TGFBR2: variants seen among roughly 807,000 people sequenced by gnomAD.
The protein encoded by TGFBR2 is transforming growth factor beta receptor 2, also known as TGF-beta receptor type-2.
A neutral mutation model predicts 49.0 loss-of-function variants in TGFBR2; 18 were observed. That is an observed-to-expected ratio of 0.37 (90% CI 0.25 to 0.54). The LOEUF (loss-of-function observed/expected upper bound fraction) is 0.54. Ranked by LOEUF, TGFBR2 falls within the 20% of genes least tolerant of loss-of-function variation. The pLI, the probability that TGFBR2 is intolerant of heterozygous loss-of-function variation, is 0.85. For synonymous variants in TGFBR2, 282 were observed against 275.9 expected, an observed-to-expected ratio of 1.02 and a Z score of -0.22; for missense variants, 525 against 722.6, an observed-to-expected ratio of 0.73 and a Z score of 3.13.
At chr3:30,621,568 A>C (rs1021365535) in intron 1 of TGFBR2, among the ~76,000 whole-genome samples, 6 of 152,230 alleles carry the variant, frequency 3.9e-5, no homozygotes, top group Admixed American at 1.3e-4. Context: ...GGCATGGGCC[A>C]CTGCACCTGA....
At chr3:30,627,848 T>TG (rs1698361664) in intron 1 of TGFBR2, among the ~76,000 whole-genome samples, 2 of 152,094 alleles carry the variant, frequency 1.3e-5, no homozygotes, top group South Asian at 4.1e-4. Context: ...AGGTGGCTCT[T>TG]GGGTATCATA....
At chr3:30,608,996 A>G (rs1697986112) in intron 1 of TGFBR2, among the ~76,000 whole-genome samples, 1 of 152,236 alleles carries the variant, frequency 6.6e-6, no homozygotes, top group Non-Finnish European at 1.5e-5. Context: ...GATAAGGTTT[A>G]TGATTTGCAA....
intron 4 of TGFBR2, among the ~76,000 whole-genome samples, chr3:30,673,734 T>A (rs182849506): frequency 2.0e-4 from 30 of 152,244 alleles, no homozygotes; most frequent in African/African-American, 7.0e-4. Flanking sequence ...TAAAAAAAAA[T>A]TCAATTTTGG....
intron 1 of TGFBR2, among the ~76,000 whole-genome samples, chr3:30,615,276 C>T (rs1024035404): frequency 6.9e-6 from 1 of 145,644 alleles, no homozygotes; most frequent in African/African-American, 2.8e-5. Context: ...CTACCTATAC[C>T]CTGGTATAGG....
Position 30,647,380 on chromosome 3 carries a change from C to T in TGFBR2, c.263+2465C>T, listed in dbSNP as rs1322426458. Among the ~76,000 whole-genome samples, 4 of 152,242 alleles carry T rather than the reference C, an allele frequency of 2.6e-5. No homozygotes were observed. The East Asian group carries it at 5.8e-4, about 22-fold the overall frequency. On this transcript the variant is annotated intron_variant, in intron 2 of 6. Coordinates refer to ENST00000295754, the MANE Select transcript of TGFBR2 (RefSeq NM_003242.6). ...TCTGTGCAATACTGTTGCCTTTAGT[C>T]GCTTACAGATGCATCTCCAAAAACC...
intron 1 of TGFBR2, chr3:30,623,408 T>G (rs1698272605): frequency 8.5e-7 from 1 of 1,178,638 alleles, no homozygotes; most frequent in Non-Finnish European, 1.2e-6. Flanking sequence ...GCTAAATTGT[T>G]AAAGAGGCGA....
chr3:30,617,283 C>T lies in TGFBR2; in HGVS notation c.94+10306C>T, dbSNP rs144594405. The stretch of plus-strand genomic sequence containing the variant: ...TGTAGAGTTTGCAGACACTTGTTAG[C>T]GTAGACTAGGAATCTTTCAACTTTT... On this transcript the variant is annotated intron_variant, in intron 1 of 6. Transcript: ENST00000295754. Among the ~76,000 whole-genome samples the T allele has an allele frequency of 2.6e-5, 4 of 152,236 alleles. No individual in the cohort carries two copies. The South Asian group carries it at 6.2e-4, about 24-fold the overall frequency.
At chr3:30,634,989 T>C (rs1006026253) in intron 1 of TGFBR2, among the ~76,000 whole-genome samples, 1 of 152,210 alleles carries the variant, frequency 6.6e-6, no homozygotes, top group Non-Finnish European at 1.5e-5. Context: ...ACTCATCTCA[T>C]AGTCCCTGCA....
chr3:30,621,016 CT>C (rs1160328120), intron 1 of TGFBR2, among the ~76,000 whole-genome samples: 2 of 152,172 alleles, frequency 1.3e-5, no homozygotes, highest in Non-Finnish European at 2.9e-5. Context: ...TGAATTTGGC[CT>C]TCAGCCTTCT....
At chr3:30,639,749 C>T (rs1415615593) in intron 1 of TGFBR2, among the ~76,000 whole-genome samples, 4 of 152,040 alleles carry the variant, frequency 2.6e-5, no homozygotes, top group Non-Finnish European at 4.4e-5. Context: ...TTCTGAGTTT[C>T]CCCCCACAAA....
At chr3:30,660,197 A>T (rs1158249896) in intron 3 of TGFBR2, among the ~76,000 whole-genome samples, 1 of 152,212 alleles carries the variant, frequency 6.6e-6, no homozygotes, top group Non-Finnish European at 1.5e-5. Flanking sequence ...GTTGGTTCCA[A>T]TGTCAAGAAC....
At chr3:30,650,206 T>G in intron 2 of TGFBR2, 64 bp from the exon 3 acceptor site, 1 of 1,514,732 alleles carries the variant, frequency 6.6e-7, no homozygotes, top group South Asian at 1.1e-5. Flanking sequence ...GAGGCCATAT[T>G]ATTCATTTAT....
chr3:30,656,619 G>A (rs548269704), intron 3 of TGFBR2, among the ~76,000 whole-genome samples: 30 of 152,180 alleles, frequency 2.0e-4, no homozygotes, highest in Non-Finnish European at 4.3e-4. Flanking sequence ...AAACAAGATG[G>A]TAAGCCAAGG....
rs540602629 is a variant in TGFBR2 at position 30,691,685 on chromosome 3, A to G, written c.*86A>G. On this transcript the variant is annotated 3_prime_UTR_variant, in exon 7 of 7. Coordinates refer to ENST00000295754, the MANE Select transcript of TGFBR2 (RefSeq NM_003242.6). ...GCAGCAGGAAGCTGCCCCTGAACTG[A>G]TGCTTCCTGGAAAACCAAGGGGGTC... is the stretch of plus-strand genomic sequence containing the variant. The G allele has an allele frequency of 2.0e-4, 301 of 1,538,608 alleles. No homozygotes were observed. Among genetic ancestry groups the G allele is most frequent in the Non-Finnish European group, 2.6e-4 (294 of 1,114,264 alleles).
rs1311497630 is a variant in TGFBR2 at position 30,671,620 on chromosome 3, G to A, written c.455-18G>A. ...ACCACATCCAACTCCTTCTCTCCTT[G>A]TTTTGTTTCCCCATCAGAATATAAC... On this transcript the variant is annotated intron_variant, in intron 3 of 6. Coordinates refer to ENST00000295754, the MANE Select transcript of TGFBR2 (RefSeq NM_003242.6). The A allele has an allele frequency of 3.7e-6, 6 of 1,613,910 alleles. No homozygotes were observed. The African/African-American group carries it at 8.0e-5, about 22-fold the overall frequency.
In TGFBR2 at chr3:30,663,621, A is replaced by T. The variant is rs1699186925; in HGVS notation, c.455-8017A>T. On this transcript the variant is annotated intron_variant, in intron 3 of 6. Coordinates refer to ENST00000295754, the MANE Select transcript of TGFBR2 (RefSeq NM_003242.6). The stretch of plus-strand genomic sequence containing the variant: ...TACTTGGATGATAAAACAAGTTTAA[A>T]AGCTCAAGAAAATGATAACTATAAA... 4.6e-5 allele frequency among the ~76,000 whole-genome samples: 7 copies of T among 152,228 alleles called. No homozygotes were observed. The South Asian group carries it at 1.4e-3, about 31-fold the overall frequency.
chr3:30,681,786 G>A (rs1224134986), intron 5 of TGFBR2, among the ~76,000 whole-genome samples: 2 of 152,354 alleles, frequency 1.3e-5, no homozygotes, highest in African/African-American at 2.4e-5. Context: ...TAATTCTGCT[G>A]TGTAGGCATA....
chr3:30,659,224 CA>C, intron 3 of TGFBR2, among the ~76,000 whole-genome samples: 1 of 151,984 alleles, frequency 6.6e-6, no homozygotes. Flanking sequence ...GGTCTAAATG[CA>C]GAAGAAAAAA....
chr3:30,633,552 C>T (rs1698475310), intron 1 of TGFBR2, among the ~76,000 whole-genome samples: 2 of 152,086 alleles, frequency 1.3e-5, no homozygotes, highest in Non-Finnish European at 2.9e-5. Context: ...TGTAAACATT[C>T]AGGTGGCCAC....
Sources: allele counts gnomAD v4.1 joint callset (sites outside exome capture counted in the v4.1 genomes callset), GRCh38; gene constraint gnomAD v4.1.1; transcripts MANE v1.5; gene names NCBI Gene and HGNC (gene_info 2026-07-23, HGNC 2026-07-21).